The following GABBR2 variants were observed in gnomAD, a reference collection of about 807,000 sequenced individuals.
GABBR2 encodes the protein G-protein coupled receptor 51.
Under a neutral mutation model 105.6 loss-of-function variants are expected in GABBR2, and 23 were observed. That is an observed-to-expected ratio of 0.22 (90% CI 0.16 to 0.31). The LOEUF is 0.31. GABBR2 is among the 10% of genes least tolerant of loss of function. The pLI, the probability that GABBR2 is intolerant of heterozygous loss-of-function variation, is 1.00. For synonymous variants in GABBR2, 478 were observed against 499.7 expected, an observed-to-expected ratio of 0.96 and a Z score of 0.58; for missense variants, 734 against 1,245.5, an observed-to-expected ratio of 0.59 and a Z score of 6.18.
intron 1 of GABBR2, among the ~76,000 whole-genome samples, chr9:98,650,396 T>C (rs76450928): frequency 0.016 from 2,500 of 152,310 alleles, 70 homozygotes; most frequent in African/African-American, 0.057. Flanking sequence ...TTTACATTTT[T>C]TAAGTACTTA....
At chr9:98,677,250 C>A (rs931545973) in intron 1 of GABBR2, among the ~76,000 whole-genome samples, 12 of 152,242 alleles carry the variant, frequency 7.9e-5, no homozygotes, top group Non-Finnish European at 1.5e-4. Flanking sequence ...GACCCAGGCT[C>A]TTGACCAAAG....
At chr9:98,657,329 A>G (rs1168819449) in intron 1 of GABBR2, among the ~76,000 whole-genome samples, 2 of 152,228 alleles carry the variant, frequency 1.3e-5, no homozygotes, top group Non-Finnish European at 2.9e-5. Flanking sequence ...AACATAAACC[A>G]AGAAGACTGT....
At chr9:98,356,379 T>C (rs592800) in intron 13 of GABBR2, among the ~76,000 whole-genome samples, 84,009 of 152,062 alleles carry the variant, frequency 0.55, 25,314 homozygotes, top group Admixed American at 0.67. Context: ...CTGAACAGTC[T>C]TCTCACTAGA....
At chr9:98,638,149 A>C in intron 1 of GABBR2, among the ~76,000 whole-genome samples, 1 of 152,198 alleles carries the variant, frequency 6.6e-6, no homozygotes, top group Middle Eastern at 3.2e-3. Context: ...AGGAGCTAAA[A>C]TTAACAGTAA....
chr9:98,447,154 C>T (rs1319065068), intron 7 of GABBR2, among the ~76,000 whole-genome samples: 5 of 114,650 alleles, frequency 4.4e-5, no homozygotes, highest in Admixed American at 3.6e-4. Flanking sequence ...CTCCGCCTCC[C>T]GGGTTCACGC....
At chr9:98,606,483 C>CTTTTTTTTTTTTT (rs11452013) in intron 1 of GABBR2, among the ~76,000 whole-genome samples, 1 of 130,506 alleles carries the variant, frequency 7.7e-6, no homozygotes, top group African/African-American at 2.9e-5. Context: ...TTTTTTTTTT[C>CTTTTTTTTTTTTT]TTTTTTTTTT....
At chr9:98,372,761 C>T (rs1013232430) in intron 11 of GABBR2, among the ~76,000 whole-genome samples, 8 of 152,318 alleles carry the variant, frequency 5.3e-5, no homozygotes, top group Admixed American at 5.2e-4. Context: ...GGCAACTTGA[C>T]TCTCCAGGTT....
At chr9:98,331,631 G>T (rs567935384) in intron 13 of GABBR2, among the ~76,000 whole-genome samples, 4 of 152,202 alleles carry the variant, frequency 2.6e-5, no homozygotes, top group Admixed American at 6.5e-5. Context: ...GTAAATGTGG[G>T]TTTGGCAGAT....
At position 98,297,859 on chromosome 9, in the gene GABBR2, T is replaced by C; in HGVS notation, c.2542+1365A>G. On this transcript the variant is annotated intron_variant, in intron 17 of 18. Coordinates refer to ENST00000259455, the MANE Select transcript of GABBR2 (RefSeq NM_005458.8). ...CAACATGGTGAAACCCTGTCTCTAC[T>C]AAAAAAAAAAAAAAATTAGCTGGGT... Among the ~76,000 whole-genome samples the C allele has an allele frequency of 2.2e-5, 3 of 139,268 alleles. No homozygotes were observed. In the South Asian group the frequency reaches 7.0e-4, roughly 32 times the overall value. 91.4% of individuals were successfully genotyped at this position (139,268 alleles called of 152,430 possible).
At chr9:98,506,947 G>C (rs1054854993) in intron 3 of GABBR2, among the ~76,000 whole-genome samples, 1 of 152,128 alleles carries the variant, frequency 6.6e-6, no homozygotes, top group Non-Finnish European at 1.5e-5. Flanking sequence ...GCTGTAGGCT[G>C]CTCCTCTCCC....
At chr9:98,510,597 C>CA (rs1827618993) in intron 3 of GABBR2, among the ~76,000 whole-genome samples, 1 of 151,450 alleles carries the variant, frequency 6.6e-6, no homozygotes, top group Non-Finnish European at 1.5e-5. Context: ...AAACGGAAAA[C>CA]AAAAAAAGGC....
intron 16 of GABBR2, among the ~76,000 whole-genome samples, chr9:98,302,509 C>T (rs895394269): frequency 6.6e-6 from 1 of 152,206 alleles, no homozygotes; most frequent in Non-Finnish European, 1.5e-5. Flanking sequence ...CTCTGGGCCA[C>T]TTTATTTTGG....
intron 1 of GABBR2, among the ~76,000 whole-genome samples, chr9:98,680,736 T>C (rs1270044903): frequency 6.6e-6 from 1 of 152,168 alleles, no homozygotes; most frequent in Non-Finnish European, 1.5e-5. Context: ...CCTTATGAGA[T>C]ATTAAAGTAT....
chr9:98,486,777 C>T (rs193195991), intron 4 of GABBR2, among the ~76,000 whole-genome samples: 39 of 152,352 alleles, frequency 2.6e-4, no homozygotes, highest in African/African-American at 9.1e-4. Flanking sequence ...CAGGCCAGTC[C>T]TGTGCCCCAA....
At chr9:98,348,446 A>G (rs923042059) in intron 13 of GABBR2, among the ~76,000 whole-genome samples, 1 of 152,060 alleles carries the variant, frequency 6.6e-6, no homozygotes, top group African/African-American at 2.4e-5. Context: ...GAATTTTCAG[A>G]TTGTTTTTTC....
intron 4 of GABBR2, among the ~76,000 whole-genome samples, chr9:98,490,553 T>G (rs1827156072): frequency 6.6e-6 from 1 of 152,244 alleles, no homozygotes; most frequent in South Asian, 2.1e-4. Flanking sequence ...ACAAAAATAT[T>G]TGGTCTCCAG....
At chr9:98,302,936 A>G in intron 16 of GABBR2, 1 of 373,568 alleles carries the variant, frequency 2.7e-6, no homozygotes, top group Non-Finnish European at 4.8e-6. Flanking sequence ...ACACTGACGT[A>G]GGAAGCTATG....
At chr9:98,394,457 A>T (rs546017769) in intron 8 of GABBR2, among the ~76,000 whole-genome samples, 1 of 152,310 alleles carries the variant, frequency 6.6e-6, no homozygotes, top group East Asian at 1.9e-4. Context: ...TCTCTGTCTC[A>T]TCAACTGGTT....
chr9:98,685,852 C>T (rs1345145905), intron 1 of GABBR2, among the ~76,000 whole-genome samples: 1 of 152,110 alleles, frequency 6.6e-6, no homozygotes, highest in Admixed American at 6.6e-5. Flanking sequence ...ACACCATCAT[C>T]CCCAGCTAAT....
Sources: allele counts gnomAD v4.1 joint callset (sites outside exome capture counted in the v4.1 genomes callset), GRCh38; gene constraint gnomAD v4.1.1; transcripts MANE v1.5; gene names NCBI Gene and HGNC (gene_info 2026-07-23, HGNC 2026-07-21).